Variants in LIMCH1 observed in about 807,000 individuals in gnomAD.
LIMCH1 encodes LIM and calponin homology domains-containing protein 1.
A neutral mutation model predicts 176.5 loss-of-function variants in LIMCH1; 113 were observed. The ratio of observed to expected loss-of-function variants is 0.64; its 90% CI spans 0.55 to 0.75. LIMCH1 has a LOEUF of 0.75. Ranked by LOEUF, LIMCH1 falls within the 30% of genes least tolerant of loss-of-function variation. The pLI is 0.00. For synonymous variants in LIMCH1, 619 were observed against 645.9 expected, an observed-to-expected ratio of 0.96 and a Z score of 0.63; for missense variants, 1,674 against 1,814.9, an observed-to-expected ratio of 0.92 and a Z score of 1.41.
At chr4:41,636,728 A>G (rs2152893760) in intron 13 of LIMCH1, among the ~76,000 whole-genome samples, 1 of 152,342 alleles carries the variant, frequency 6.6e-6, no homozygotes, top group East Asian at 1.9e-4. Flanking sequence ...TGTCCATGAA[A>G]TACTGTTAAT....
intron 8 of LIMCH1, among the ~76,000 whole-genome samples, chr4:41,628,591 A>G (rs1196830589): frequency 6.6e-6 from 1 of 152,152 alleles, no homozygotes; most frequent in Non-Finnish European, 1.5e-5. Flanking sequence ...TGAATGATAT[A>G]TTTTGTGGGA....
At chr4:41,501,978 T>C (rs931672224) in intron 2 of LIMCH1, among the ~76,000 whole-genome samples, 1 of 151,144 alleles carries the variant, frequency 6.6e-6, no homozygotes, top group Non-Finnish European at 1.5e-5. Flanking sequence ...CATGGTGGTT[T>C]GCTGCATAGA....
intron 3 of LIMCH1, among the ~76,000 whole-genome samples, chr4:41,525,244 G>A (rs775221191): frequency 1.3e-4 from 20 of 152,186 alleles, no homozygotes; most frequent in African/African-American, 9.7e-5. Context: ...GTGCACACGC[G>A]CGCGCACACA....
intron 1 of LIMCH1, among the ~76,000 whole-genome samples, chr4:41,466,438 T>C (rs1388636167): frequency 2.0e-5 from 3 of 152,244 alleles, no homozygotes; most frequent in African/African-American, 7.2e-5. Flanking sequence ...TTATGTGCAA[T>C]CAGATTGAGA....
intron 17 of LIMCH1, among the ~76,000 whole-genome samples, 174 bp downstream of exon 17, chr4:41,647,067 G>A (rs1334577876): frequency 1.3e-5 from 2 of 152,178 alleles, no homozygotes; most frequent in Admixed American, 1.3e-4. Context: ...AATGCTTCAG[G>A]GACAGCTGTT....
chr4:41,553,355 T>C (rs922889303), intron 1 of LIMCH1, among the ~76,000 whole-genome samples: 7 of 152,156 alleles, frequency 4.6e-5, no homozygotes, highest in Admixed American at 3.9e-4. Context: ...AGGGCCTTAA[T>C]TGAGTCTACT....
intron 1 of LIMCH1, among the ~76,000 whole-genome samples, chr4:41,543,256 G>A (rs1327191063): frequency 6.6e-6 from 1 of 151,844 alleles, no homozygotes; most frequent in Admixed American, 6.6e-5. Context: ...TATTATAAAT[G>A]TACATATATA....
At chr4:41,472,591 T>A (rs2067138922) in intron 1 of LIMCH1, among the ~76,000 whole-genome samples, 1 of 152,018 alleles carries the variant, frequency 6.6e-6, no homozygotes, top group South Asian at 2.1e-4. Flanking sequence ...GGCTAATTTT[T>A]GTATTTTTTG....
intron 1 of LIMCH1, among the ~76,000 whole-genome samples, chr4:41,378,392 G>C (rs1423214992): frequency 1.3e-5 from 2 of 152,190 alleles, no homozygotes; most frequent in Non-Finnish European, 2.9e-5. Flanking sequence ...AATGGTGAGG[G>C]TATTTTTAGC....
At chr4:41,459,560 C>G (rs1436337762) in intron 1 of LIMCH1, among the ~76,000 whole-genome samples, 2 of 152,142 alleles carry the variant, frequency 1.3e-5, no homozygotes, top group Admixed American at 1.3e-4. Flanking sequence ...CCTCAGCCTC[C>G]CAAAGGGTTG....
At chr4:41,411,525 C>T (rs778875815) in intron 1 of LIMCH1, among the ~76,000 whole-genome samples, 10 of 151,948 alleles carry the variant, frequency 6.6e-5, no homozygotes, top group Non-Finnish European at 1.3e-4. Flanking sequence ...TTCTTTTTAT[C>T]AGGAAGTTCC....
rs904502102 is a variant in LIMCH1 at position 41,484,640 on chromosome 4, T to C, written c.97-9896T>C. On this transcript the variant is annotated intron_variant, in intron 1 of 26. Transcript: ENST00000313860. ...CTTCAGTGAACTAATGAGGTGTTTGTAGGAGGAAATCACGGTCTTCTGAAA... is the reference window on the plus strand; with the variant it reads ...CTTCAGTGAACTAATGAGGTGTTTGCAGGAGGAAATCACGGTCTTCTGAAA... Among the ~76,000 whole-genome samples, 12 of 152,244 alleles carry C rather than the reference T, an allele frequency of 7.9e-5. No homozygotes were observed. The East Asian group carries it at 1.3e-3, about 17-fold the overall frequency.
At chr4:41,669,194 C>A (rs1279007254) in intron 21 of LIMCH1, among the ~76,000 whole-genome samples, 1 of 152,086 alleles carries the variant, frequency 6.6e-6, no homozygotes, top group African/African-American at 2.4e-5. Context: ...CTAATCAGCA[C>A]CTGTAAACTA....
chr4:41,666,477 C>T, intron 20 of LIMCH1, 84 bp from the exon 21 acceptor site: 1 of 813,840 alleles, frequency 1.2e-6, no homozygotes, highest in Non-Finnish European at 2.1e-6. Flanking sequence ...TCTATAACAG[C>T]CATGGATCCT....
At chr4:41,446,432 C>T (rs1413789206) in intron 1 of LIMCH1, among the ~76,000 whole-genome samples, 2 of 152,162 alleles carry the variant, frequency 1.3e-5, no homozygotes, top group African/African-American at 2.4e-5. Flanking sequence ...CACAAATATA[C>T]GTAGTTAATG....
intron 13 of LIMCH1, among the ~76,000 whole-genome samples, chr4:41,635,400 G>T (rs929132144): frequency 6.6e-6 from 1 of 152,112 alleles, no homozygotes; most frequent in African/African-American, 2.4e-5. Flanking sequence ...GCTAATTTTT[G>T]TATTTTTAGT....
At position 41,682,672 on chromosome 4, in the gene LIMCH1, C is replaced by CTT. The variant is rs1479823691; in HGVS notation, c.3845+213_3845+214dup. Among the ~76,000 whole-genome samples, 1,213 of 139,558 alleles carry CTT rather than the reference C, an allele frequency of 8.7e-3. 8 individuals are homozygous for CTT. The highest frequency in any genetic ancestry group is 0.013 in the Non-Finnish European group (817 of 63,508). The allele number at this position is 139,558 out of a possible 152,430, so 91.6% of individuals were successfully genotyped here. On this transcript the variant is annotated intron_variant, in intron 26 of 31. Transcript: ENST00000503057. ...TATAAATAGCCTTATTTTTTTTCTT[C>CTT]TTCTTCTTTTTTTTTTTTTTGCTTG...
At chr4:41,407,338 C>T (rs1264573707) in intron 1 of LIMCH1, among the ~76,000 whole-genome samples, 3 of 152,186 alleles carry the variant, frequency 2.0e-5, no homozygotes, top group Non-Finnish European at 2.9e-5. Flanking sequence ...AAGCGATCCT[C>T]CCACCTCAGC....
At chr4:41,623,094 T>G (rs891735969) in intron 7 of LIMCH1, among the ~76,000 whole-genome samples, 1 of 152,210 alleles carries the variant, frequency 6.6e-6, no homozygotes, top group Admixed American at 6.5e-5. Flanking sequence ...TGAGAGTCAT[T>G]CTAAGTTTAT....
Sources: allele counts gnomAD v4.1 joint callset (sites outside exome capture counted in the v4.1 genomes callset), GRCh38; gene constraint gnomAD v4.1.1; transcripts MANE v1.5; gene names NCBI Gene and HGNC (gene_info 2026-07-23, HGNC 2026-07-21).